The following SLC39A14 variants were observed in gnomAD, a reference collection of about 807,000 sequenced individuals.
SLC39A14 encodes metal cation symporter ZIP14.
Under a neutral mutation model 45.5 loss-of-function variants are expected in SLC39A14, and 19 were observed. The ratio of observed to expected loss-of-function variants is 0.42; its 90% CI spans 0.29 to 0.61. The LOEUF is 0.61. SLC39A14 is among the 20% of genes least tolerant of loss of function. The probability of loss-of-function intolerance (pLI) is 0.22; values close to 1 mark genes in which losing one functional copy is unlikely to be tolerated. For synonymous variants in SLC39A14, 264 were observed against 251.3 expected, an observed-to-expected ratio of 1.05 and a Z score of -0.48; for missense variants, 447 against 616.5, an observed-to-expected ratio of 0.73 and a Z score of 2.91.
Position 22,420,861 on chromosome 8 carries a change from T to C in SLC39A14, c.*1163T>C, listed in dbSNP as rs1240943302. On this transcript the variant is annotated 3_prime_UTR_variant, in exon 9 of 9. Transcript: ENST00000381237. ...GTTGGCCTAATGATTATGCTACAGA[T>C]GGGTTTTAAATGACCCGTCTAGGTT... 3 of 985,382 alleles carry C rather than the reference T, an allele frequency of 3.0e-6. No homozygotes were observed. The highest frequency in any genetic ancestry group is 3.6e-6 in the Non-Finnish European group (3 of 829,918). The allele number at this position is 985,382 out of a possible 1,614,324, so 61.0% of individuals were successfully genotyped here.
chr8:22,381,932 G>A (rs1472232489), intron 1 of SLC39A14, among the ~76,000 whole-genome samples: 1 of 152,178 alleles, frequency 6.6e-6, no homozygotes, highest in Admixed American at 6.5e-5. Flanking sequence ...CCTGAGATCA[G>A]GAGTCCGAGA....
chr8:22,433,540 C>CTTTTTTTTTT (rs555154342), intron 8 of SLC39A14, among the ~76,000 whole-genome samples: 1 of 118,246 alleles, frequency 8.5e-6, no homozygotes, highest in Non-Finnish European at 1.8e-5. Context: ...TTATTTTATG[C>CTTTTTTTTTT]TTTTTTTTTT....
At chr8:22,412,608 G>T (rs1308269751) in intron 4 of SLC39A14, among the ~76,000 whole-genome samples, 4 of 152,198 alleles carry the variant, frequency 2.6e-5, no homozygotes, top group Non-Finnish European at 5.9e-5. Context: ...CTCTGGCTTA[G>T]TTGTGGTGCT....
At chr8:22,393,846 C>G (rs1323258755) in intron 1 of SLC39A14, among the ~76,000 whole-genome samples, 1 of 151,910 alleles carries the variant, frequency 6.6e-6, no homozygotes, top group East Asian at 1.9e-4. Context: ...CTAACTTTTG[C>G]ATTTTTTATA....
At chr8:22,412,857 G>C (rs62492579) in intron 4 of SLC39A14, among the ~76,000 whole-genome samples, 229 of 152,294 alleles carry the variant, frequency 1.5e-3, no homozygotes, top group Middle Eastern at 0.01. Context: ...AGAATCACTT[G>C]AACCCAGGAG....
intron 3 of SLC39A14, among the ~76,000 whole-genome samples, chr8:22,411,480 T>C (rs1563586289): frequency 6.6e-6 from 1 of 152,258 alleles, no homozygotes; most frequent in Non-Finnish European, 1.5e-5. Flanking sequence ...CTGGCTTGGT[T>C]GTGTCTTGCA....
chr8:22,393,188 G>A, intron 1 of SLC39A14: 1 of 985,678 alleles, frequency 1.0e-6, no homozygotes, highest in Non-Finnish European at 1.2e-6. Context: ...TTGAGGCGAA[G>A]GTCCTGGGAG....
At chr8:22,392,755 T>G (rs80249071) in intron 1 of SLC39A14, 6,336 of 152,378 alleles carry the variant, frequency 0.042, 150 homozygotes, top group Non-Finnish European at 0.043. Context: ...CCAGCTGGGC[T>G]GGAGCAAGCC....
intron 1 of SLC39A14, among the ~76,000 whole-genome samples, chr8:22,375,444 G>A (rs149478079): frequency 1.5e-4 from 22 of 150,742 alleles, no homozygotes; most frequent in Non-Finnish European, 2.2e-4. Flanking sequence ...ATCTTACCTC[G>A]ACATCAAAAT....
chr8:22,431,302 A>G (rs34668161), intron 8 of SLC39A14, among the ~76,000 whole-genome samples: 47,435 of 152,116 alleles, frequency 0.31, 7,666 homozygotes, highest in East Asian at 0.5. Flanking sequence ...AGTGCTTTTC[A>G]TATAAAATTG....
At chr8:22,383,724 T>C (rs1833637139) in intron 1 of SLC39A14, among the ~76,000 whole-genome samples, 1 of 152,148 alleles carries the variant, frequency 6.6e-6, no homozygotes, top group African/African-American at 2.4e-5. Context: ...CCTCCGCCCT[T>C]CTCTCCTGCT....
At chr8:22,419,451 C>CT in intron 8 of SLC39A14, 101 bp from the exon 9 acceptor site, 2 of 1,227,714 alleles carry the variant, frequency 1.6e-6, no homozygotes, top group South Asian at 2.9e-5. Flanking sequence ...TGATAATTTT[C>CT]TTTGTCAACC....
chr8:22,374,392 A>C (rs1833096459), intron 1 of SLC39A14, among the ~76,000 whole-genome samples: 1 of 152,164 alleles, frequency 6.6e-6, no homozygotes, highest in Non-Finnish European at 1.5e-5. Context: ...AAGCTGCAGT[A>C]AGTGGAACAG....
chr8:22,392,832 A>G (rs1834155740), intron 1 of SLC39A14: 1 of 150,668 alleles, frequency 6.6e-6, no homozygotes, highest in South Asian at 2.1e-4. Context: ...CTGTCATTAC[A>G]CTCACTCCGC....
Position 22,415,759 on chromosome 8 carries a change from A to G in SLC39A14, c.751-10A>G. ...AATGTCATGCTGATCCCTCCCTGTCACCCTTCCAGCATCATCATGGACACA... is the reference window on the plus strand; with the variant it reads ...AATGTCATGCTGATCCCTCCCTGTCGCCCTTCCAGCATCATCATGGACACA... On this transcript the variant is annotated splice_polypyrimidine_tract_variant and intron_variant, in intron 5 of 8. Coordinates refer to ENST00000381237, the MANE Select transcript of SLC39A14 (RefSeq NM_001128431.4). The G allele has an allele frequency of 6.2e-7, 1 of 1,605,432 alleles. No homozygotes were observed. The highest frequency in any genetic ancestry group is 1.1e-5 in the South Asian group (1 of 89,570).
Position 22,422,584 on chromosome 8 carries a change from GT to G in SLC39A14, c.*2887del. 1.0e-6 allele frequency: 1 copy of G among 984,358 alleles called. No individual in the cohort carries two copies. The highest frequency in any genetic ancestry group is 1.1e-4 in the East Asian group (1 of 8,822). The allele number at this position is 984,358 out of a possible 1,614,324, so 61.0% of individuals were successfully genotyped here. On this transcript the variant is annotated 3_prime_UTR_variant, in exon 9 of 9. Coordinates refer to ENST00000381237, the MANE Select transcript of SLC39A14 (RefSeq NM_001128431.4). The stretch of plus-strand genomic sequence containing the variant: ...CACAGTATTTTTTTAAATAACTCAG[GT>G]GTATGAGAAGAAATTAGAAAAGAAA...
At chr8:22,414,282 C>T (rs1466463344) in intron 4 of SLC39A14, among the ~76,000 whole-genome samples, 1 of 152,098 alleles carries the variant, frequency 6.6e-6, no homozygotes, top group Non-Finnish European at 1.5e-5. Flanking sequence ...GGGAGGTCTG[C>T]GGTTAGGAAA....
Position 22,405,523 on chromosome 8 carries a change from A to G in SLC39A14, c.270+543A>G, listed in dbSNP as rs529891961. Among the ~76,000 whole-genome samples, 13 of 152,186 alleles carry G rather than the reference A, an allele frequency of 8.5e-5. No homozygotes were observed. In the South Asian group the frequency reaches 2.7e-3, roughly 32 times the overall value. ...GCGAGAATCTGTCTCAAAACAAAAC[A>G]AAATAAAAGGCAGCCTGGAAGTGGG... On this transcript the variant is annotated intron_variant, in intron 2 of 8. Transcript: ENST00000381237.
intron 8 of SLC39A14, among the ~76,000 whole-genome samples, chr8:22,418,907 C>G (rs989813897): frequency 2.0e-5 from 3 of 152,082 alleles, no homozygotes; most frequent in Non-Finnish European, 4.4e-5. Flanking sequence ...GTGGCAGGCA[C>G]CTGTGGAGCT....
Sources: gnomAD v4.1 joint callset for allele counts (sites outside exome capture counted in the v4.1 genomes callset) on GRCh38, gnomAD v4.1.1 for gene constraint, MANE v1.5 for transcripts, NCBI Gene and HGNC (gene_info 2026-07-23, HGNC 2026-07-21) for gene names.